TMEM74: variants seen among roughly 807,000 people sequenced by gnomAD.
TMEM74 encodes transmembrane protein 74.
In TMEM74, 13 loss-of-function variants were observed where a neutral mutation model predicts 18.1. The ratio of observed to expected loss-of-function variants is 0.72; its 90% confidence interval spans 0.47 to 1.14. The LOEUF (loss-of-function observed/expected upper bound fraction) is 1.14. Ranked by LOEUF, TMEM74 falls within the 50% of genes most tolerant of loss-of-function variation. The probability of loss-of-function intolerance (pLI) is 0.00; values close to 1 mark genes in which losing one functional copy is unlikely to be tolerated. For synonymous variants in TMEM74, 159 were observed against 146.6 expected, an observed-to-expected ratio of 1.08 and a Z score of -0.61; for missense variants, 372 against 375.9, an observed-to-expected ratio of 0.99 and a Z score of 0.09.
intron 1 of TMEM74, among the ~76,000 whole-genome samples, chr8:108,672,602 A>C (rs2130591203): frequency 6.6e-6 from 1 of 152,184 alleles, no homozygotes; most frequent in Admixed American, 6.5e-5. Context: ...TGTGAAACTC[A>C]CTCAGGATGG....
chr8:108,608,156 G>T (rs1812297044), intron 3 of TMEM74, among the ~76,000 whole-genome samples: 1 of 151,998 alleles, frequency 6.6e-6, no homozygotes, highest in Non-Finnish European at 1.5e-5. Context: ...ACAAAAATTA[G>T]CTGGGCATGG....
chr8:108,751,050 C>T (rs1259445163), intron 1 of TMEM74, among the ~76,000 whole-genome samples: 1 of 152,140 alleles, frequency 6.6e-6, no homozygotes, highest in Non-Finnish European at 1.5e-5. Context: ...GATTCACCAC[C>T]AGTAACCTGG....
intron 1 of TMEM74, among the ~76,000 whole-genome samples, chr8:108,767,276 T>A (rs1814119121): frequency 6.6e-6 from 1 of 152,214 alleles, no homozygotes; most frequent in Admixed American, 6.5e-5. Context: ...GTCAGAAGCT[T>A]GCTTCAAAAT....
At chr8:108,774,966 A>G (rs1814211935), downstream of TMEM74, among the ~76,000 whole-genome samples, 1 of 151,970 alleles carries the variant, frequency 6.6e-6, no homozygotes, top group African/African-American at 2.4e-5. Context: ...CATCCAGAAC[A>G]TGCCTCCAGC....
chr8:108,651,101 G>A (rs746950136), intron 2 of TMEM74, among the ~76,000 whole-genome samples: 15 of 151,796 alleles, frequency 9.9e-5, no homozygotes, highest in African/African-American at 2.9e-4. Context: ...TCTCCATAGC[G>A]CTTACTACCA....
intron 1 of TMEM74, among the ~76,000 whole-genome samples, chr8:108,733,716 A>T (rs1391196): frequency 0.72 from 109,928 of 152,110 alleles, 40,981 homozygotes; most frequent in African/African-American, 0.91. Context: ...ATGAATATTC[A>T]GCATTTATTT....
intron 1 of TMEM74, among the ~76,000 whole-genome samples, chr8:108,681,657 A>C (rs1193012219): frequency 6.6e-6 from 1 of 152,174 alleles, no homozygotes; most frequent in South Asian, 2.1e-4. Context: ...AATTCTGGGA[A>C]AGACACAGCT....
intron 1 of TMEM74, among the ~76,000 whole-genome samples, chr8:108,765,529 C>T (rs750819879): frequency 5.3e-5 from 8 of 151,514 alleles, no homozygotes; most frequent in African/African-American, 1.5e-4. Context: ...GCCTTAGCCT[C>T]CCAAGTAGCT....
chr8:108,737,288 T>C (rs1380672221), intron 1 of TMEM74, among the ~76,000 whole-genome samples: 1 of 152,184 alleles, frequency 6.6e-6, no homozygotes, highest in Non-Finnish European at 1.5e-5. Flanking sequence ...ATAAAGTGCA[T>C]GGGATGAAGT....
rs1199122765 is a variant in TMEM74 at position 108,730,634 on chromosome 8, C to CTTTTTTTTTTTTTTTTTTTTTTTT, written n.119+56841_119+56842insAAAAAAAAAAAAAAAAAAAAAAAA. 5.4e-4 allele frequency among the ~76,000 whole-genome samples: 72 copies of CTTTTTTTTTTTTTTTTTTTTTTTT among 132,182 alleles called. 3 individuals are homozygous for CTTTTTTTTTTTTTTTTTTTTTTTT. Among genetic ancestry groups the CTTTTTTTTTTTTTTTTTTTTTTTT allele is most frequent in the African/African-American group, 2.1e-3 (69 of 32,674 alleles). The allele number at this position is 132,182 out of a possible 152,430, so 86.7% of individuals were successfully genotyped here. On this transcript the variant is annotated intron_variant and non_coding_transcript_variant, in intron 1 of 3. Coordinates refer to the TMEM74 transcript ENST00000518838. ...TTAGCTTTAAATGTATGCAGACTTCCTTTTTTTTTTTTTTTTTGTGACGGA... is the reference window on the plus strand; with the variant it reads ...TTAGCTTTAAATGTATGCAGACTTCCTTTTTTTTTTTTTTTTTTTTTTTTTTTTTTTTTTTTTTTTTGTGACGGA...
chr8:108,765,533 A>T (rs987105403), intron 1 of TMEM74, among the ~76,000 whole-genome samples: 2 of 150,880 alleles, frequency 1.3e-5, no homozygotes, highest in African/African-American at 4.9e-5. Context: ...TAGCCTCCCA[A>T]GTAGCTTGGG....
At chr8:108,687,582 T>G (rs1172273591) in intron 1 of TMEM74, among the ~76,000 whole-genome samples, 1 of 152,060 alleles carries the variant, frequency 6.6e-6, no homozygotes, top group Non-Finnish European at 1.5e-5. Flanking sequence ...CTCACCATAA[T>G]GTAGAATCAG....
chr8:108,729,523 T>C (rs1477159003), intron 1 of TMEM74, among the ~76,000 whole-genome samples: 2 of 152,242 alleles, frequency 1.3e-5, no homozygotes, highest in Non-Finnish European at 2.9e-5. Context: ...GGCAAGGATA[T>C]CTTTGGGGTA....
At chr8:108,637,951 T>C (rs1205967991) in intron 2 of TMEM74, among the ~76,000 whole-genome samples, 2 of 152,082 alleles carry the variant, frequency 1.3e-5, no homozygotes, top group Non-Finnish European at 2.9e-5. Flanking sequence ...GGGAAGAAAA[T>C]TTTTTGGTGT....
chr8:108,746,415 T>C (rs931133206), intron 1 of TMEM74, among the ~76,000 whole-genome samples: 7 of 152,118 alleles, frequency 4.6e-5, no homozygotes, highest in Non-Finnish European at 1.0e-4. Context: ...TGAGCTGTGA[T>C]TGTCTGCTTA....
In TMEM74 at chr8:108,657,883, T is replaced by TTAATTAC. The variant is rs1174740746; in HGVS notation, n.120-2447_120-2446insGTAATTA. On this transcript the variant is annotated intron_variant and non_coding_transcript_variant, in intron 1 of 3. Coordinates refer to the TMEM74 transcript ENST00000518838. ...AAATATATATATATATATATATATA[T>TTAATTAC]ATATATATATATATATATATTAATT... Among the ~76,000 whole-genome samples, 37 of 113,806 alleles carry TTAATTAC rather than the reference T, an allele frequency of 3.3e-4. 1 individual carries two copies. The highest frequency in any genetic ancestry group is 2.2e-3 in the Admixed American group (24 of 10,720). 74.7% of individuals were successfully genotyped at this position (113,806 alleles called of 152,430 possible).
chr8:108,697,075 C>T (rs190346988), intron 1 of TMEM74, among the ~76,000 whole-genome samples: 2 of 152,094 alleles, frequency 1.3e-5, no homozygotes, highest in Admixed American at 1.3e-4. Flanking sequence ...TTTAATGTGT[C>T]CACAGTAGAA....
intron 1 of TMEM74, among the ~76,000 whole-genome samples, chr8:108,667,469 A>G (rs1812959851): frequency 6.6e-6 from 1 of 152,180 alleles, no homozygotes; most frequent in South Asian, 2.1e-4. Flanking sequence ...ACTAATAGGA[A>G]ATAAAAACTC....
At chr8:108,763,307 GATGA>G (rs35728030) in intron 1 of TMEM74, among the ~76,000 whole-genome samples, 64,679 of 151,262 alleles carry the variant, frequency 0.43, 14,884 homozygotes, top group African/African-American at 0.61. Context: ...AAGGCAAAGA[GATGA>G]ATGAATTTTA....
Sources: allele counts gnomAD v4.1 joint callset (sites outside exome capture counted in the v4.1 genomes callset), GRCh38; gene constraint gnomAD v4.1.1; transcripts MANE v1.5; gene names NCBI Gene and HGNC (gene_info 2026-07-23, HGNC 2026-07-21).